CDH4: variants seen among roughly 807,000 people sequenced by gnomAD.
CDH4 encodes cadherin-4.
Under a neutral mutation model 86.0 loss-of-function variants are expected in CDH4, and 33 were observed. That is an observed-to-expected ratio of 0.38 (90% CI 0.29 to 0.51). The LOEUF (loss-of-function observed/expected upper bound fraction) is 0.51. Among genes scored for constraint, CDH4 ranks in the 20% least tolerant of loss-of-function variants. CDH4 has a pLI of 0.86. For missense variants in CDH4, 1,114 were observed against 1,307.4 expected (o/e 0.85, Z 2.28); for synonymous variants, 555 against 549.4 (o/e 1.01, Z -0.14).
At chr20:61,546,926 C>A (rs918661392) in intron 2 of CDH4, among the ~76,000 whole-genome samples, 1 of 152,102 alleles carries the variant, frequency 6.6e-6, no homozygotes, top group Non-Finnish European at 1.5e-5. Flanking sequence ...TCTCTTCTTC[C>A]GTCTCCGTGC....
At chr20:61,787,969 G>A (rs1412111535) in intron 4 of CDH4, among the ~76,000 whole-genome samples, 1 of 152,220 alleles carries the variant, frequency 6.6e-6, no homozygotes, top group African/African-American at 2.4e-5. Context: ...TGTGGCCATG[G>A]GAGGGACTTG....
Position 61,811,765 on chromosome 20 carries a change from G to A in CDH4, c.577-32903G>A, listed in dbSNP as rs150062624. 1.3e-5 allele frequency among the ~76,000 whole-genome samples: 2 copies of A among 148,728 alleles called. No individual in the cohort carries two copies. The highest frequency in any genetic ancestry group is 5.0e-5 in the African/African-American group (2 of 40,330). On this transcript the variant is annotated intron_variant, in intron 4 of 15. Coordinates refer to ENST00000614565, the MANE Select transcript of CDH4 (RefSeq NM_001794.5). This position sits in a 1 kb window ranked among gnomAD's most constrained non-coding sequence, Gnocchi z 4.4. ...CCACTCACTGCAACCTCTGCCTCCC[G>A]GGTTCAAGCAATTCTCCTGCCTCAG...
intron 2 of CDH4, among the ~76,000 whole-genome samples, chr20:61,256,803 T>C (rs1466933514): frequency 6.6e-6 from 1 of 152,248 alleles, no homozygotes; most frequent in Non-Finnish European, 1.5e-5. Flanking sequence ...GGGGCTGTAG[T>C]CGCATTGCTT....
chr20:61,756,272 GCC>G (rs1669334944), intron 3 of CDH4, among the ~76,000 whole-genome samples: 1 of 152,154 alleles, frequency 6.6e-6, no homozygotes, highest in African/African-American at 2.4e-5. Flanking sequence ...GCTTCTCCTT[GCC>G]TCCGATCTGC....
intron 2 of CDH4, among the ~76,000 whole-genome samples, chr20:61,446,210 A>G (rs902449148): frequency 2.0e-5 from 3 of 152,224 alleles, no homozygotes; most frequent in Non-Finnish European, 4.4e-5. Context: ...AATCATGTAA[A>G]ATACATTTAT....
At chr20:61,309,421 C>T (rs1235068191) in intron 2 of CDH4, among the ~76,000 whole-genome samples, 1 of 150,820 alleles carries the variant, frequency 6.6e-6, no homozygotes, top group Admixed American at 6.6e-5. Context: ...TTTCCAGAAC[C>T]ATGCAGGTAT....
At chr20:61,925,604 C>T (rs376527386) in intron 11 of CDH4, among the ~76,000 whole-genome samples, 9 of 152,358 alleles carry the variant, frequency 5.9e-5, no homozygotes, top group African/African-American at 1.9e-4. Context: ...AACACAGTGA[C>T]GCCCTGCTGT....
rs2087795673 is a variant in CDH4 at position 61,703,317 on chromosome 20, C to T, written c.170-40246C>T. The stretch of plus-strand genomic sequence containing the variant: ...AGGCATTCATCCTAGTTTAAGGAGA[C>T]GGGCAGTACACACCACGAGTGTCAT... On this transcript the variant is annotated intron_variant, in intron 2 of 15. Coordinates refer to ENST00000614565, the MANE Select transcript of CDH4 (RefSeq NM_001794.5). This position sits in a 1 kb window ranked among gnomAD's most constrained non-coding sequence, Gnocchi z 4.3. 6.6e-6 allele frequency among the ~76,000 whole-genome samples: 1 copy of T among 152,078 alleles called. No homozygotes were observed. The highest frequency in any genetic ancestry group is 2.1e-4 in the South Asian group (1 of 4,816).
chr20:61,804,021 A>G (rs576846854), intron 4 of CDH4, among the ~76,000 whole-genome samples: 92 of 152,212 alleles, frequency 6.0e-4, no homozygotes, highest in Non-Finnish European at 1.0e-3. Context: ...GAAGTTGCCA[A>G]ACTCACAAAT....
At chr20:61,876,630 G>A (rs753993040) in intron 7 of CDH4, among the ~76,000 whole-genome samples, 23 of 152,216 alleles carry the variant, frequency 1.5e-4, no homozygotes, top group South Asian at 4.1e-4. Flanking sequence ...CGGGGTTTTC[G>A]TATTATAATG....
chr20:61,530,731 AT>A (rs2085945491), intron 2 of CDH4, among the ~76,000 whole-genome samples: 1 of 152,104 alleles, frequency 6.6e-6, no homozygotes, highest in African/African-American at 2.4e-5. Context: ...TGGATGCTGG[AT>A]CCAGGAGTGA....
chr20:61,657,525 G>A (rs560422423), intron 2 of CDH4, among the ~76,000 whole-genome samples: 26 of 152,286 alleles, frequency 1.7e-4, no homozygotes, highest in Admixed American at 1.2e-3. Context: ...GGATCTCTGC[G>A]GAGGCAGATA....
intron 6 of CDH4, among the ~76,000 whole-genome samples, chr20:61,869,728 C>G (rs1983715453): frequency 6.6e-6 from 1 of 152,230 alleles, no homozygotes; most frequent in African/African-American, 2.4e-5. Context: ...AGTCCTCCTC[C>G]CTACATGAAA....
chr20:61,761,454 C>T (rs1215910276), intron 3 of CDH4, among the ~76,000 whole-genome samples: 2 of 152,156 alleles, frequency 1.3e-5, no homozygotes, highest in African/African-American at 4.8e-5. Flanking sequence ...CCTATGCAAT[C>T]GATAGTCTTG....
At chr20:61,405,402 A>G (rs1438347545) in intron 2 of CDH4, among the ~76,000 whole-genome samples, 1 of 151,920 alleles carries the variant, frequency 6.6e-6, no homozygotes, top group African/African-American at 2.4e-5. Flanking sequence ...GCGGCCCTTT[A>G]TGATTTTAGG....
chr20:61,792,512 G>T (rs971235573), intron 4 of CDH4, among the ~76,000 whole-genome samples: 21 of 152,200 alleles, frequency 1.4e-4, no homozygotes, highest in Non-Finnish European at 2.5e-4. Context: ...AGCTCTCCAG[G>T]ATGCTGCAGG....
intron 12 of CDH4, among the ~76,000 whole-genome samples, chr20:61,929,175 C>T (rs1279155125): frequency 6.8e-6 from 1 of 146,270 alleles, no homozygotes; most frequent in African/African-American, 2.5e-5. Context: ...TTTTTTGAGA[C>T]TGTTGCCCAG....
chr20:61,258,099 G>A (rs1234464039), intron 2 of CDH4, among the ~76,000 whole-genome samples: 1 of 152,100 alleles, frequency 6.6e-6, no homozygotes, highest in Non-Finnish European at 1.5e-5. Context: ...GGAGGCCGAG[G>A]CGGGTGGATC....
intron 2 of CDH4, among the ~76,000 whole-genome samples, chr20:61,677,052 C>T (rs970599405): frequency 6.6e-6 from 1 of 152,152 alleles, no homozygotes; most frequent in Non-Finnish European, 1.5e-5. Context: ...GTAGGTCCTT[C>T]GTAGGGCCTT....
Sources: gnomAD v4.1 joint callset for allele counts (sites outside exome capture counted in the v4.1 genomes callset) on GRCh38, gnomAD v4.1.1 for gene constraint, Gnocchi (gnomAD v3.1) non-coding constraint, MANE v1.5 for transcripts, NCBI Gene and HGNC (gene_info 2026-07-23, HGNC 2026-07-21) for gene names.